The following RGS17 variants were observed in gnomAD, a reference collection of about 807,000 sequenced individuals.
RGS17 encodes the protein regulator of G protein signaling 17.
In RGS17, 12 loss-of-function variants were observed where a neutral mutation model predicts 25.5. The observed-to-expected ratio is 0.47, with a 90% CI of 0.30 to 0.76. The LOEUF (loss-of-function observed/expected upper bound fraction) is 0.76, where lower values mean the gene tolerates loss of function less well. Among genes scored for constraint, RGS17 ranks in the 30% least tolerant of loss-of-function variants. The pLI, the probability that RGS17 is intolerant of heterozygous loss-of-function variation, is 0.07. For missense variants in RGS17, 196 were observed against 242.2 expected, an observed-to-expected ratio of 0.81 and a Z score of 1.27; for synonymous variants, 71 against 76.9, an observed-to-expected ratio of 0.92 and a Z score of 0.40.
At chr6:153,020,102 A>T (rs1361883736) in intron 4 of RGS17, among the ~76,000 whole-genome samples, 1,100 of 30,856 alleles carry the variant, frequency 0.036, 31 homozygotes, top group African/African-American at 0.081. Flanking sequence ...AAATATCTTA[A>T]AAAAAAAAAA....
intron 1 of RGS17, among the ~76,000 whole-genome samples, chr6:153,129,183 A>G (rs1306154485): frequency 6.6e-6 from 1 of 152,210 alleles, no homozygotes; most frequent in East Asian, 1.9e-4. Context: ...CTACTCTCCT[A>G]TGGTGGCTCT....
rs367603890 is a variant in RGS17 at position 153,034,165 on chromosome 6, A to AGT, written c.120-7624_120-7623dup. ...ATCCTTTCCCTCGCATTTTCCAGTTAGTGTGTGTGTGTGAATACGTATGGG... is the reference window on the plus strand; with the variant it reads ...ATCCTTTCCCTCGCATTTTCCAGTTAGTGTGTGTGTGTGTGAATACGTATGGG... On this transcript the variant is annotated intron_variant, in intron 2 of 4. Coordinates refer to ENST00000206262, the MANE Select transcript of RGS17 (RefSeq NM_012419.5). 7.4e-3 allele frequency among the ~76,000 whole-genome samples: 1,131 copies of AGT among 152,088 alleles called. 15 individuals carry two copies. Among genetic ancestry groups the AGT allele is most frequent in the African/African-American group, 0.024 (1,003 of 41,462 alleles).
At chr6:153,038,951 T>C (rs1030191738) in intron 2 of RGS17, among the ~76,000 whole-genome samples, 1 of 152,188 alleles carries the variant, frequency 6.6e-6, no homozygotes, top group Non-Finnish European at 1.5e-5. Context: ...CTCTGGGAAC[T>C]AATGTATCCA....
At chr6:153,071,141 C>CATGGT (rs1191364616) in intron 1 of RGS17, among the ~76,000 whole-genome samples, 1 of 149,544 alleles carries the variant, frequency 6.7e-6, no homozygotes, top group Non-Finnish European at 1.5e-5. Context: ...TGTATATGTA[C>CATGGT]ATATGTGTAT....
chr6:153,097,426 A>G (rs1281730004), intron 1 of RGS17, among the ~76,000 whole-genome samples: 2 of 150,110 alleles, frequency 1.3e-5, no homozygotes, highest in Non-Finnish European at 3.0e-5. Context: ...AGCCTCCCAC[A>G]ATAGTGATTT....
intron 4 of RGS17, among the ~76,000 whole-genome samples, chr6:153,018,621 A>G (rs981076183): frequency 3.9e-5 from 6 of 152,186 alleles, no homozygotes; most frequent in African/African-American, 1.2e-4. Flanking sequence ...GAATGACCTT[A>G]CCTGACTACT....
chr6:153,129,706 G>C (rs1341959272), intron 1 of RGS17, among the ~76,000 whole-genome samples: 2 of 152,204 alleles, frequency 1.3e-5, no homozygotes, highest in Admixed American at 6.5e-5. Flanking sequence ...ACGCTGGAGA[G>C]AATCTCGCCG....
intron 1 of RGS17, among the ~76,000 whole-genome samples, chr6:153,116,869 A>C (rs1777554612): frequency 1.3e-5 from 2 of 152,182 alleles, no homozygotes; most frequent in Non-Finnish European, 2.9e-5. Flanking sequence ...GTGGGAGTTG[A>C]ACAATGAGAA....
At chr6:153,092,252 G>T (rs1243249338) in intron 1 of RGS17, among the ~76,000 whole-genome samples, 2 of 152,178 alleles carry the variant, frequency 1.3e-5, no homozygotes, top group African/African-American at 4.8e-5. Context: ...TTCTTTGCCT[G>T]TATAAAATGC....
intron 3 of RGS17, among the ~76,000 whole-genome samples, chr6:153,025,589 A>G (rs1225069653): frequency 1.3e-5 from 2 of 149,192 alleles, no homozygotes; most frequent in Admixed American, 1.3e-4. Flanking sequence ...TTACTTAATA[A>G]TTTTCCAATC....
chr6:153,072,746 GT>G (rs1489128963), intron 1 of RGS17, among the ~76,000 whole-genome samples: 1 of 152,182 alleles, frequency 6.6e-6, no homozygotes, highest in Non-Finnish European at 1.5e-5. Context: ...TGCATGAATT[GT>G]CAATCTTCCT....
intron 1 of RGS17, among the ~76,000 whole-genome samples, chr6:153,086,250 G>A (rs538500113): frequency 4.3e-4 from 66 of 152,240 alleles, no homozygotes; most frequent in African/African-American, 1.4e-3. Context: ...TGGAACTAAT[G>A]ATAAATTTTG....
chr6:153,083,081 T>G (rs1195517472), intron 1 of RGS17, among the ~76,000 whole-genome samples: 2 of 152,158 alleles, frequency 1.3e-5, no homozygotes, highest in Non-Finnish European at 2.9e-5. Flanking sequence ...ATTTCACTTT[T>G]ACATTCATGG....
chr6:153,070,444 A>G (rs1376410725), intron 1 of RGS17, among the ~76,000 whole-genome samples: 2 of 152,124 alleles, frequency 1.3e-5, no homozygotes, highest in Non-Finnish European at 2.9e-5. Flanking sequence ...AGTTATGTCT[A>G]TGTATACAAG....
At chr6:153,046,136 A>C (rs1457430094) in intron 1 of RGS17, among the ~76,000 whole-genome samples, 1 of 152,176 alleles carries the variant, frequency 6.6e-6, no homozygotes, top group Non-Finnish European at 1.5e-5. Flanking sequence ...AGAAGTTTAA[A>C]AAACATTGAT....
chr6:153,096,975 T>C (rs924143702), intron 1 of RGS17, among the ~76,000 whole-genome samples: 1 of 152,180 alleles, frequency 6.6e-6, no homozygotes, highest in Non-Finnish European at 1.5e-5. Flanking sequence ...AAGAACCTGT[T>C]TGTTTTCTGG....
intron 1 of RGS17, among the ~76,000 whole-genome samples, chr6:153,064,202 T>C (rs1438386392): frequency 6.6e-6 from 1 of 152,148 alleles, no homozygotes; most frequent in Non-Finnish European, 1.5e-5. Context: ...ACTATAACAT[T>C]GTAACTGTGG....
intron 1 of RGS17, among the ~76,000 whole-genome samples, chr6:153,115,668 C>T (rs1777533744): frequency 6.6e-6 from 1 of 152,170 alleles, no homozygotes; most frequent in African/African-American, 2.4e-5. Flanking sequence ...TACCTGACTT[C>T]AAACTATACT....
intron 1 of RGS17, among the ~76,000 whole-genome samples, chr6:153,127,524 A>G (rs1777720588): frequency 6.6e-6 from 1 of 152,190 alleles, no homozygotes; most frequent in South Asian, 2.1e-4. Flanking sequence ...CTCAGGACAG[A>G]TTAGTAACTT....
Sources: allele counts gnomAD v4.1 joint callset (sites outside exome capture counted in the v4.1 genomes callset), GRCh38; gene constraint gnomAD v4.1.1; transcripts MANE v1.5; gene names NCBI Gene and HGNC (gene_info 2026-07-23, HGNC 2026-07-21).